The following HABP4 variants were observed in gnomAD, a reference collection of about 807,000 sequenced individuals.
HABP4 encodes the protein intracellular hyaluronan-binding protein 4.
A neutral mutation model predicts 44.1 loss-of-function variants in HABP4; 32 were observed. The observed-to-expected ratio is 0.73, with a 90% confidence interval of 0.55 to 0.97. The LOEUF (loss-of-function observed/expected upper bound fraction) is 0.97. HABP4 is among the 50% of genes least tolerant of loss of function. HABP4 has a pLI of 0.00. For synonymous variants in HABP4, 216 were observed against 218.0 expected (o/e 0.99, Z 0.08); for missense variants, 503 against 561.9 (o/e 0.90, Z 1.06).
intron 2 of HABP4, 113 bp downstream of exon 2, chr9:96,458,654 G>A (rs777440756): frequency 6.4e-5 from 45 of 699,982 alleles, no homozygotes; most frequent in African/African-American, 3.3e-4. Context: ...AGACAGTTTC[G>A]CTCTTGTCGC....
intron 2 of HABP4, 94 bp from the exon 3 acceptor site, chr9:96,465,243 G>A: frequency 1.3e-6 from 1 of 774,672 alleles, no homozygotes; most frequent in Non-Finnish European, 2.2e-6. Flanking sequence ...ATTCTTTCCA[G>A]TATACTATAA....
intron 5 of HABP4, among the ~76,000 whole-genome samples, chr9:96,478,353 G>A (rs1302600158): frequency 1.3e-5 from 2 of 152,118 alleles, no homozygotes; most frequent in East Asian, 1.9e-4. Context: ...GGCTGGTCTC[G>A]AACTCCTGAC....
At chr9:96,453,418 C>A (rs1047187832) in intron 1 of HABP4, among the ~76,000 whole-genome samples, 1 of 149,314 alleles carries the variant, frequency 6.7e-6, no homozygotes, top group African/African-American at 2.4e-5. Flanking sequence ...ACCATGTTGT[C>A]CAGGCTGGTC....
In HABP4 at chr9:96,490,082, G is replaced by T; in HGVS notation, c.*44G>T. ...CACCGCGGAGCTGCACTGCACACCT[G>T]TGGGGAGACTTTTCCAGCTGGGCCA... On this transcript the variant is annotated 3_prime_UTR_variant, in exon 8 of 8. Coordinates refer to ENST00000375249, the MANE Select transcript of HABP4 (RefSeq NM_014282.4). 2 of 1,171,174 alleles carry T rather than the reference G, an allele frequency of 1.7e-6. No homozygotes were observed. Among genetic ancestry groups the T allele is most frequent in the Non-Finnish European group, 1.3e-6 (1 of 775,268 alleles). 72.5% of individuals were successfully genotyped at this position (1,171,174 alleles called of 1,614,324 possible). A position where few individuals can be genotyped will look rare whatever the true frequency, so the allele number is the denominator to read the frequency against.
Position 96,490,326 on chromosome 9 carries a change from C to T in HABP4, c.*288C>T, listed in dbSNP as rs773452557. ...TATAGAGATAGTATAGACTCCTCCG[C>T]GGAAGCATGGAGGGAAAGGAGGTTG... On this transcript the variant is annotated 3_prime_UTR_variant, in exon 8 of 8. Coordinates refer to ENST00000375249, the MANE Select transcript of HABP4 (RefSeq NM_014282.4). 24 of 321,500 alleles carry T rather than the reference C, an allele frequency of 7.5e-5. No homozygotes were observed. Among genetic ancestry groups the T allele is most frequent in the East Asian group, 1.1e-4 (2 of 18,070 alleles). The allele number at this position is 321,500 out of a possible 1,614,324, so 19.9% of individuals were successfully genotyped here. A position where few individuals can be genotyped will look rare whatever the true frequency, so the allele number is the denominator to read the frequency against.
At chr9:96,463,206 A>T (rs577254003) in intron 2 of HABP4, among the ~76,000 whole-genome samples, 1 of 152,000 alleles carries the variant, frequency 6.6e-6, no homozygotes, top group Non-Finnish European at 1.5e-5. Flanking sequence ...TTGGCCTCCC[A>T]AAGTTCTGGG....
At position 96,471,689 on chromosome 9, in the gene HABP4, T is replaced by A. The variant is rs117565815; in HGVS notation, c.827+595T>A. ...GTAGCCTGACTCTTGTATGGACCTC[T>A]AGTGTCTTGTCCCCTCTGTGCTCTC... On this transcript the variant is annotated intron_variant, in intron 5 of 7. Transcript: ENST00000375249. Among the ~76,000 whole-genome samples, 1,136 of 152,308 alleles carry A rather than the reference T, an allele frequency of 7.5e-3. 8 individuals carry two copies. Among genetic ancestry groups the A allele is most frequent in the Non-Finnish European group, 0.012 (792 of 68,024 alleles).
intron 5 of HABP4, among the ~76,000 whole-genome samples, chr9:96,478,193 T>C (rs944895411): frequency 6.6e-6 from 1 of 151,878 alleles, no homozygotes; most frequent in Non-Finnish European, 1.5e-5. Context: ...CGTGCAGTGG[T>C]GCAATCTCGG....
Position 96,456,783 on chromosome 9 carries a change from ATAT to A in HABP4, c.350-1595_350-1593del, listed in dbSNP as rs1309313495. Among the ~76,000 whole-genome samples, 148 of 41,830 alleles carry A rather than the reference ATAT, an allele frequency of 3.5e-3. 2 individuals carry two copies. The highest frequency in any genetic ancestry group is 5.2e-3 in the African/African-American group (50 of 9,558). The allele number at this position is 41,830 out of a possible 152,430, so 27.4% of individuals were successfully genotyped here. On this transcript the variant is annotated intron_variant, in intron 1 of 7. Coordinates refer to ENST00000375249, the MANE Select transcript of HABP4 (RefSeq NM_014282.4). ...TCAAAAAAAAAAAAAAAAAAAAAAT[ATAT>A]ATATATATATATATATATATATATA...
intron 5 of HABP4, among the ~76,000 whole-genome samples, chr9:96,478,641 G>C (rs1023535072): frequency 6.7e-6 from 1 of 150,140 alleles, no homozygotes; most frequent in African/African-American, 2.4e-5. Flanking sequence ...CTCATTATGG[G>C]TTTTTGTTGT....
chr9:96,460,520 C>T (rs540608318), intron 2 of HABP4, among the ~76,000 whole-genome samples: 6 of 152,320 alleles, frequency 3.9e-5, no homozygotes, highest in African/African-American at 1.2e-4. Context: ...AGTCTACAGA[C>T]TTTACTCAGA....
intron 1 of HABP4, among the ~76,000 whole-genome samples, chr9:96,454,041 G>C (rs1832331974): frequency 6.6e-6 from 1 of 152,160 alleles, no homozygotes; most frequent in Non-Finnish European, 1.5e-5. Context: ...CTAATAAGTA[G>C]CCAATTGTAT....
intron 4 of HABP4, among the ~76,000 whole-genome samples, chr9:96,469,195 AGT>A (rs1477120397): frequency 1.3e-5 from 2 of 152,372 alleles, no homozygotes; most frequent in East Asian, 3.9e-4. Flanking sequence ...TAATTTAAAA[AGT>A]GTATCAGATA....
chr9:96,459,068 G>A (rs1038067155), intron 2 of HABP4, among the ~76,000 whole-genome samples: 1 of 152,184 alleles, frequency 6.6e-6, no homozygotes, highest in Non-Finnish European at 1.5e-5. Flanking sequence ...CTTGGTTCAG[G>A]AAATGATTGT....
At chr9:96,472,903 CCT>C (rs1218611944) in intron 5 of HABP4, among the ~76,000 whole-genome samples, 1 of 152,202 alleles carries the variant, frequency 6.6e-6, no homozygotes, top group Non-Finnish European at 1.5e-5. Context: ...TCTTTCTTGA[CCT>C]CTCAGAAGCA....
At chr9:96,466,066 C>T (rs898636140) in intron 4 of HABP4, among the ~76,000 whole-genome samples, 2 of 152,190 alleles carry the variant, frequency 1.3e-5, no homozygotes, top group African/African-American at 2.4e-5. Flanking sequence ...TACATTTGCA[C>T]ATGCCTCAAA....
chr9:96,456,596 T>C (rs1373333425), intron 1 of HABP4, among the ~76,000 whole-genome samples: 3 of 150,878 alleles, frequency 2.0e-5, no homozygotes, highest in African/African-American at 7.3e-5. Flanking sequence ...CCGTCTCTAC[T>C]AAAAATACAA....
At chr9:96,460,423 C>T (rs571119594) in intron 2 of HABP4, among the ~76,000 whole-genome samples, 2 of 152,250 alleles carry the variant, frequency 1.3e-5, no homozygotes, top group East Asian at 1.9e-4. Context: ...CTCCTAAATA[C>T]TTTAAATGCA....
chr9:96,489,176 C>T (rs1018407339), intron 7 of HABP4, among the ~76,000 whole-genome samples: 1 of 152,108 alleles, frequency 6.6e-6, no homozygotes, highest in Non-Finnish European at 1.5e-5. Flanking sequence ...AGCAAAAACA[C>T]AATTTTTTGG....
Sources: allele counts gnomAD v4.1 joint callset (sites outside exome capture counted in the v4.1 genomes callset), GRCh38; gene constraint gnomAD v4.1.1; transcripts MANE v1.5; gene names NCBI Gene and HGNC (gene_info 2026-07-23, HGNC 2026-07-21).